VPS39: variants seen among roughly 807,000 people sequenced by gnomAD.
The protein encoded by VPS39 is vam6/Vps39-like protein.
VPS39 carries 70 observed loss-of-function variants against 121.0 expected under a neutral mutation model. The ratio of observed to expected loss-of-function variants is 0.58; its 90% CI spans 0.48 to 0.71. The LOEUF is 0.71. VPS39 is among the 30% of genes least tolerant of loss of function. The pLI, the probability that VPS39 is intolerant of heterozygous loss-of-function variation, is 0.00. For synonymous variants in VPS39, 378 were observed against 398.1 expected, an observed-to-expected ratio of 0.95 and a Z score of 0.60; for missense variants, 818 against 1,051.5, an observed-to-expected ratio of 0.78 and a Z score of 3.07.
At chr15:42,172,572 C>A (rs751848993) in intron 11 of VPS39, among the ~76,000 whole-genome samples, 3 of 152,234 alleles carry the variant, frequency 2.0e-5, no homozygotes, top group Non-Finnish European at 4.4e-5. Context: ...AGCTAATACA[C>A]TAGCAGAGGG....
chr15:42,162,062 G>A lies in VPS39; in HGVS notation c.2430C>T (p.Leu810=). 2 of 1,614,206 alleles carry A rather than the reference G, an allele frequency of 1.2e-6. No homozygotes were observed. Among genetic ancestry groups the A allele is most frequent in the Non-Finnish European group, 1.7e-6 (2 of 1,180,044 alleles). Residue 810 remains leucine, a synonymous_variant, in exon 23 of 25, where the codon CTC becomes CTT. Transcript: ENST00000318006. The part of the protein sequence containing the change: ...NAQKKRFNQV[L]KNLLHAEFLR... ...GGAATTCTGCATGGAGAAGGTTCTT[G>A]AGCACTTGATTGAACCGTTTCTTTT...
chr15:42,191,460 T>A, intron 3 of VPS39, 36 bp downstream of exon 3: 1 of 1,598,162 alleles, frequency 6.3e-7, no homozygotes, highest in South Asian at 1.1e-5. Flanking sequence ...CTCATGTAAG[T>A]CAAATATTCT....
chr15:42,163,435 G>A (rs2140834893), intron 20 of VPS39, 40 bp from the exon 21 acceptor site: 1 of 1,612,526 alleles, frequency 6.2e-7, no homozygotes, highest in South Asian at 1.1e-5. Flanking sequence ...GGTGTGAGGG[G>A]GGCACATCTA....
At chr15:42,185,245 C>G (rs781579343) in intron 7 of VPS39, among the ~76,000 whole-genome samples, 1 of 148,376 alleles carries the variant, frequency 6.7e-6, no homozygotes, top group Non-Finnish European at 1.5e-5. Flanking sequence ...GTGGCACAAT[C>G]TCAGCTCACT....
chr15:42,163,302 C>G (rs763172972), intron 21 of VPS39, 48 bp downstream of exon 21: 15 of 1,611,038 alleles, frequency 9.3e-6, no homozygotes, highest in Non-Finnish European at 1.3e-5. Flanking sequence ...GTCAAACCAA[C>G]GGGGAGAGGT....
intron 8 of VPS39, among the ~76,000 whole-genome samples, chr15:42,180,285 A>C (rs985614617): frequency 3.9e-5 from 6 of 152,124 alleles, no homozygotes; most frequent in Admixed American, 6.5e-5. Context: ...CTAAAAAAAA[A>C]CCTTTCATTC....
In VPS39 at chr15:42,187,835, C is replaced by T. The variant is rs747743011; in HGVS notation, c.364G>A (p.Val122Met). 1.2e-6 allele frequency: 2 copies of T among 1,614,088 alleles called. No individual in the cohort carries two copies. The highest frequency in any genetic ancestry group is 2.7e-5 in the African/African-American group (2 of 74,940). Residue 122 changes from valine to methionine, a missense_variant, in exon 6 of 25, where the codon GTG (valine) becomes ATG (methionine). Coordinates refer to ENST00000318006, the MANE Select transcript of VPS39 (RefSeq NM_015289.5). ...TTTACTGCCACACACATCCGTAACA[C>T]CTCCTCACCGGTCTCTGTGTGCTGG... ...DLQHTETGEE[V>M]LRMCVAVKKK...
intron 1 of VPS39, among the ~76,000 whole-genome samples, chr15:42,203,173 A>T (rs2050101224): frequency 6.6e-6 from 1 of 152,184 alleles, no homozygotes. Flanking sequence ...TCTACTAAAA[A>T]ATATAAAAAT....
chr15:42,170,572 A>G (rs903417435), intron 11 of VPS39, among the ~76,000 whole-genome samples: 2 of 152,126 alleles, frequency 1.3e-5, no homozygotes, highest in South Asian at 4.1e-4. Flanking sequence ...AAAATGTAAG[A>G]CTTCATTTGA....
rs144725903 is a variant in VPS39, at chr15:42,181,414, G to A, written c.719-2844C>T. The stretch of plus-strand genomic sequence containing the variant: ...AGGGACTGGAGGGAGAAGAACTGAG[G>A]AGTTGTTAATGGGTATAGAGTTTCA... On this transcript the variant is annotated intron_variant, in intron 8 of 24. Transcript: ENST00000318006. 3.2e-3 allele frequency among the ~76,000 whole-genome samples: 494 copies of A among 152,176 alleles called. 2 individuals are homozygous for A. Among genetic ancestry groups the A allele is most frequent in the African/African-American group, 0.011 (469 of 41,494 alleles).
chr15:42,187,399 T>C (rs1438207556), intron 6 of VPS39, 36 bp from the exon 7 acceptor site: 2 of 1,557,068 alleles, frequency 1.3e-6, no homozygotes, highest in East Asian at 2.3e-5. Context: ...ATGAAATAAA[T>C]ATTTTTTTAA....
intron 10 of VPS39, 123 bp from the exon 11 acceptor site, chr15:42,173,975 C>A: frequency 8.8e-7 from 1 of 1,135,950 alleles, no homozygotes; most frequent in South Asian, 1.5e-5. Context: ...AGGCCGGGCG[C>A]GGTGCCTCAC....
chr15:42,166,779 G>A lies in VPS39; in HGVS notation c.1512C>T (p.His504=), dbSNP rs192850218. The A allele has an allele frequency of 6.5e-5, 105 of 1,614,044 alleles. No individual in the cohort carries two copies. Among genetic ancestry groups the A allele is most frequent in the Non-Finnish European group, 7.9e-5 (93 of 1,179,942 alleles). The change falls in exon 14 of 25, where the codon CAC becomes CAT. Residue 504 remains histidine (H), a synonymous_variant. Transcript: ENST00000318006. ...AAGGAACCACTCCCACACCTTTCTC[G>A]TGGAGCCCCTTCTTCTCATACAGGA... The part of the protein sequence containing the change: ...LIILYEKKGL[H]EKALQVLVDQ...
At chr15:42,191,631 A>G in intron 2 of VPS39, 71 bp from the exon 3 acceptor site, 2 of 1,201,448 alleles carry the variant, frequency 1.7e-6, no homozygotes, top group Non-Finnish European at 2.4e-6. Context: ...CTAGAAAAAT[A>G]CTGCTCCATA....
chr15:42,195,112 G>C (rs58893174), intron 2 of VPS39, among the ~76,000 whole-genome samples: 1 of 152,210 alleles, frequency 6.6e-6, no homozygotes, highest in South Asian at 2.1e-4. Context: ...AAAGGCCTCA[G>C]ACATGAACAA....
chr15:42,202,459 TTTATAGATATCA>T (rs1352359322), intron 1 of VPS39, among the ~76,000 whole-genome samples: 1 of 152,212 alleles, frequency 6.6e-6, no homozygotes, highest in Non-Finnish European at 1.5e-5. Flanking sequence ...TATTTAGAAC[TTTATAGATATCA>T]TGATATCAAG....
chr15:42,191,238 C>G (rs1043473548), intron 3 of VPS39, 71 bp from the exon 4 acceptor site: 1 of 1,571,890 alleles, frequency 6.4e-7, no homozygotes. Context: ...CATTCAATAA[C>G]AGTAATAAAA....
intron 1 of VPS39, among the ~76,000 whole-genome samples, chr15:42,204,932 T>C (rs1400866976): frequency 6.6e-6 from 1 of 152,164 alleles, no homozygotes; most frequent in Non-Finnish European, 1.5e-5. Context: ...GCTTTGAATA[T>C]ACATTCAAGT....
chr15:42,206,238 T>C (rs1342369205), intron 1 of VPS39, among the ~76,000 whole-genome samples: 1 of 152,232 alleles, frequency 6.6e-6, no homozygotes, highest in East Asian at 1.9e-4. Flanking sequence ...TGGAAGTTCC[T>C]GGACGAACTT....
Sources: allele counts gnomAD v4.1 joint callset (sites outside exome capture counted in the v4.1 genomes callset), GRCh38; gene constraint gnomAD v4.1.1; transcripts MANE v1.5; gene names NCBI Gene and HGNC (gene_info 2026-07-23, HGNC 2026-07-21).